Variants in ADD3 observed in about 807,000 individuals in gnomAD.
The protein encoded by ADD3 is gamma-adducin.
Under a neutral mutation model 80.2 loss-of-function variants are expected in ADD3, and 25 were observed. The observed-to-expected ratio is 0.31, with a 90% CI of 0.23 to 0.44. The LOEUF (loss-of-function observed/expected upper bound fraction) is 0.44. ADD3 is among the 20% of genes least tolerant of loss of function. ADD3 has a pLI of 1.00. For missense variants in ADD3, 829 were observed against 847.5 expected (o/e 0.98, Z 0.27); for synonymous variants, 284 against 289.6 (o/e 0.98, Z 0.20).
At chr10:110,091,459 A>G (rs1170530461) in intron 1 of ADD3, among the ~76,000 whole-genome samples, 1 of 152,230 alleles carries the variant, frequency 6.6e-6, no homozygotes, top group African/African-American at 2.4e-5. Flanking sequence ...AACAGGTTAG[A>G]GAACCCAGAA....
chr10:110,073,212 G>A lies in ADD3; in HGVS notation c.-29-27413G>A, dbSNP rs149214268. The stretch of plus-strand genomic sequence containing the variant: ...GGCTGGAGTGCAGTGGCATTATGTC[G>A]GCTCACTGCAAGCTCCACCTCCCGG... On this transcript the variant is annotated intron_variant, in intron 1 of 14. Coordinates refer to ENST00000356080, the MANE Select transcript of ADD3 (RefSeq NM_016824.5). Among the ~76,000 whole-genome samples, 891 of 141,598 alleles carry A rather than the reference G, an allele frequency of 6.3e-3. 7 individuals carry two copies. The highest frequency in any genetic ancestry group is 0.023 in the African/African-American group (852 of 36,388). The allele number at this position is 141,598 out of a possible 152,430, so 92.9% of individuals were successfully genotyped here. A position where few individuals can be genotyped will look rare whatever the true frequency, so the allele number is the denominator to read the frequency against.
intron 1 of ADD3, among the ~76,000 whole-genome samples, chr10:110,088,177 T>C (rs1232301880): frequency 2.6e-5 from 4 of 152,224 alleles, no homozygotes; most frequent in Non-Finnish European, 5.9e-5. Flanking sequence ...ACAAACCCTA[T>C]TTTCAAATAG....
chr10:110,031,784 T>G (rs1855056847), intron 1 of ADD3, among the ~76,000 whole-genome samples: 1 of 152,128 alleles, frequency 6.6e-6, no homozygotes, highest in Non-Finnish European at 1.5e-5. Flanking sequence ...TTGACAAAAG[T>G]TACATGTATG....
chr10:110,027,971 A>C (rs1305056342), intron 1 of ADD3, among the ~76,000 whole-genome samples: 1 of 152,126 alleles, frequency 6.6e-6, no homozygotes, highest in East Asian at 1.9e-4. Flanking sequence ...GGGGAAGAAA[A>C]GTTGGGACAG....
At chr10:110,085,689 G>A (rs1165086203) in intron 1 of ADD3, among the ~76,000 whole-genome samples, 3 of 152,198 alleles carry the variant, frequency 2.0e-5, no homozygotes, top group African/African-American at 7.2e-5. Flanking sequence ...ACTGAGACGT[G>A]GGCCCTAGGG....
intron 1 of ADD3, among the ~76,000 whole-genome samples, chr10:110,094,269 G>A (rs940841933): frequency 6.6e-6 from 1 of 151,782 alleles, no homozygotes; most frequent in Non-Finnish European, 1.5e-5. Context: ...TTGATTATGG[G>A]GCAATCTGGA....
At position 110,134,442 on chromosome 10, in the gene ADD3, G is replaced by T. The variant is rs1212726107; in HGVS notation, c.*824G>T. The T allele has an allele frequency of 2.0e-5, 3 of 152,502 alleles. No homozygotes were observed. The highest frequency in any genetic ancestry group is 4.4e-5 in the Non-Finnish European group (3 of 67,998). The allele number at this position is 152,502 out of a possible 1,614,324, so 9.4% of individuals were successfully genotyped here. A position where few individuals can be genotyped will look rare whatever the true frequency, so the allele number is the denominator to read the frequency against. On this transcript the variant is annotated 3_prime_UTR_variant, in exon 15 of 15. Coordinates refer to ENST00000356080, the MANE Select transcript of ADD3 (RefSeq NM_016824.5). ...AGTAGAGCATACTTAAGGCTGCTTGGTACTGAGTATACTTAAATATAACTC... is the reference window on the plus strand; with the variant it reads ...AGTAGAGCATACTTAAGGCTGCTTGTTACTGAGTATACTTAAATATAACTC...
rs12266704 is a variant in ADD3 at position 110,102,539 on chromosome 10, C to G, written c.195+1691C>G. On this transcript the variant is annotated intron_variant, in intron 2 of 14. Coordinates refer to ENST00000356080, the MANE Select transcript of ADD3 (RefSeq NM_016824.5). ...AAAGGATTACTTGAGCCCAGTAGAT[C>G]AAGGCTACAGTGAGCCGTGATCACA... Among the ~76,000 whole-genome samples the G allele has an allele frequency of 4.7e-3, 715 of 152,238 alleles. 10 individuals carry two copies. Among genetic ancestry groups the G allele is most frequent in the African/African-American group, 0.016 (661 of 41,528 alleles).
chr10:110,125,871 A>G lies in ADD3; in HGVS notation c.1447A>G (p.Ile483Val). The G allele has an allele frequency of 6.2e-7, 1 of 1,610,968 alleles. No homozygotes were observed. The highest frequency in any genetic ancestry group is 1.1e-5 in the South Asian group (1 of 90,826). The change falls in exon 11 of 15, where the codon ATC (isoleucine) becomes GTC (valine). Residue 483 changes from isoleucine (I) to valine (V), a missense_variant. Physicochemically the swap from Ile to Val is conservative, Grantham distance 29. Coordinates refer to ENST00000356080, the MANE Select transcript of ADD3 (RefSeq NM_016824.5). ...DSSKVSGGTP[I>V]KIEDPNQFVP... ...ATCTAAAGTTAGTGGTGGAACACCT[A>G]TCAAAATTGAAGATCCAAATCAGTT...
intron 1 of ADD3, among the ~76,000 whole-genome samples, chr10:110,034,849 A>G (rs991610636): frequency 2.3e-4 from 35 of 152,264 alleles, no homozygotes; most frequent in African/African-American, 8.4e-4. Flanking sequence ...TGTGAGTAAT[A>G]GGAAATACTA....
intron 2 of ADD3, among the ~76,000 whole-genome samples, chr10:110,111,692 GA>G (rs1850031104): frequency 6.6e-6 from 1 of 152,146 alleles, no homozygotes; most frequent in Non-Finnish European, 1.5e-5. Flanking sequence ...GAGGTGGGCG[GA>G]TCACCTGAGG....
At chr10:110,105,579 AGCAGTTTAGACT>A (rs1251485834) in intron 2 of ADD3, among the ~76,000 whole-genome samples, 1 of 152,196 alleles carries the variant, frequency 6.6e-6, no homozygotes, top group Non-Finnish European at 1.5e-5. Flanking sequence ...CACCATGGGA[AGCAGTTTAGACT>A]GGTTGACACA....
intron 1 of ADD3, among the ~76,000 whole-genome samples, chr10:110,020,404 T>G (rs1422911289): frequency 6.6e-6 from 1 of 152,040 alleles, no homozygotes; most frequent in Non-Finnish European, 1.5e-5. Context: ...ATTGCAGACC[T>G]AAATAGAGCA....
chr10:110,085,190 A>C (rs1846565318), intron 1 of ADD3, among the ~76,000 whole-genome samples: 1 of 152,206 alleles, frequency 6.6e-6, no homozygotes, highest in African/African-American at 2.4e-5. Flanking sequence ...ATCCTGTTTT[A>C]TCAGGAAAGA....
chr10:110,088,167 A>T (rs1847036683), intron 1 of ADD3, among the ~76,000 whole-genome samples: 1 of 152,212 alleles, frequency 6.6e-6, no homozygotes, highest in South Asian at 2.1e-4. Context: ...AATTTGATCT[A>T]CAAACCCTAT....
rs78627683 is a variant in ADD3 at position 110,089,655 on chromosome 10, G to C, written c.-29-10970G>C. On this transcript the variant is annotated intron_variant, in intron 1 of 14. Transcript: ENST00000356080. ...CTTGAGGGATTGCCTTTCTGTGGTT[G>C]ATTGTTTTACTCATTTCATAGGAAT... is the stretch of plus-strand genomic sequence containing the variant. Among the ~76,000 whole-genome samples, 839 of 151,860 alleles carry C rather than the reference G, an allele frequency of 5.5e-3. 10 individuals are homozygous for C. The highest frequency in any genetic ancestry group is 0.019 in the African/African-American group (793 of 41,432).
chr10:110,027,722 A>G (rs1017434713), intron 1 of ADD3, among the ~76,000 whole-genome samples: 1 of 152,184 alleles, frequency 6.6e-6, no homozygotes, highest in African/African-American at 2.4e-5. Flanking sequence ...TAGGGGGACT[A>G]AAGTCTTGCC....
chr10:110,060,745 A>T (rs1858785390), intron 1 of ADD3, among the ~76,000 whole-genome samples: 1 of 152,232 alleles, frequency 6.6e-6, no homozygotes, highest in Admixed American at 6.5e-5. Flanking sequence ...ATTTGGACAG[A>T]CAGAACTTGA....
intron 1 of ADD3, among the ~76,000 whole-genome samples, chr10:110,092,852 G>A (rs754412197): frequency 9.2e-5 from 14 of 151,952 alleles, no homozygotes; most frequent in South Asian, 2.1e-4. Context: ...TCATAGAGTT[G>A]TGAAGGATTT....
Sources: allele counts gnomAD v4.1 joint callset (sites outside exome capture counted in the v4.1 genomes callset), GRCh38; gene constraint gnomAD v4.1.1; transcripts MANE v1.5; gene names NCBI Gene and HGNC (gene_info 2026-07-23, HGNC 2026-07-21).